The following BMPR2 variants were observed in gnomAD, a reference collection of about 807,000 sequenced individuals.
BMPR2 encodes the protein bone morphogenetic protein receptor type-2.
BMPR2 carries 29 observed loss-of-function variants against 100.8 expected under a neutral mutation model. That is an observed-to-expected ratio of 0.29 (90% CI 0.21 to 0.39). The LOEUF is 0.39. Ranked by LOEUF, BMPR2 falls within the 10% of genes least tolerant of loss-of-function variation. BMPR2 has a pLI of 1.00. For synonymous variants in BMPR2, 382 were observed against 442.3 expected (o/e 0.86, Z 1.71); for missense variants, 1,011 against 1,274.5 (o/e 0.79, Z 3.15).
chr2:202,420,645 C>T (rs1691242660), intron 1 of BMPR2, among the ~76,000 whole-genome samples: 1 of 137,788 alleles, frequency 7.3e-6, no homozygotes, highest in Non-Finnish European at 1.5e-5. Context: ...CTCCCGAGTT[C>T]AAGTGATTCT....
rs1688770472 is a variant in BMPR2, at chr2:202,566,779, T to C, written c.*6833T>C. On this transcript the variant is annotated 3_prime_UTR_variant, in exon 13 of 13. Transcript: ENST00000374580. ...GTATTTATCACATTGTCAAACAGAATTTTTCTTTGAATCAGACAAGTTCAA... is the reference window on the plus strand; with the variant it reads ...GTATTTATCACATTGTCAAACAGAACTTTTCTTTGAATCAGACAAGTTCAA... The C allele has an allele frequency of 6.6e-6, 1 of 152,182 alleles. No individual in the cohort carries two copies. Among genetic ancestry groups the C allele is most frequent in the African/African-American group, 2.4e-5 (1 of 41,452 alleles). 9.4% of individuals were successfully genotyped at this position (152,182 alleles called of 1,614,324 possible). A position where few individuals can be genotyped will look rare whatever the true frequency, so the allele number is the denominator to read the frequency against.
At chr2:202,500,804 G>A (rs1444586768) in intron 3 of BMPR2, among the ~76,000 whole-genome samples, 8 of 152,176 alleles carry the variant, frequency 5.3e-5, no homozygotes, top group Admixed American at 5.2e-4. Context: ...AATACCAGAG[G>A]AAGCAGAATG....
intron 10 of BMPR2, among the ~76,000 whole-genome samples, chr2:202,546,780 T>G (rs1311527430): frequency 8.5e-5 from 13 of 152,092 alleles, no homozygotes; most frequent in Admixed American, 8.5e-4. Context: ...GTTTTTGTGT[T>G]TTTCGTAGAG....
chr2:202,380,188 G>GT, intron 1 of BMPR2, among the ~76,000 whole-genome samples: 1 of 147,142 alleles, frequency 6.8e-6, no homozygotes, highest in South Asian at 2.2e-4. Flanking sequence ...CATTTTCTAT[G>GT]CCCCCCCCAA....
intron 1 of BMPR2, among the ~76,000 whole-genome samples, chr2:202,430,040 G>A (rs1691473791): frequency 6.6e-6 from 1 of 152,190 alleles, no homozygotes; most frequent in South Asian, 2.1e-4. Context: ...TTCTTCCAAT[G>A]TGGAGGCTAG....
At chr2:202,527,116 G>A (rs1193528855) in intron 7 of BMPR2, among the ~76,000 whole-genome samples, 6 of 151,850 alleles carry the variant, frequency 4.0e-5, no homozygotes, top group African/African-American at 1.2e-4. Flanking sequence ...CACCTGCCTC[G>A]ACCTCCAAAA....
At chr2:202,464,720 T>G (rs992934350) in intron 1 of BMPR2, 89 bp from the exon 2 acceptor site, 9 of 1,243,002 alleles carry the variant, frequency 7.2e-6, no homozygotes, top group Admixed American at 2.8e-5. Flanking sequence ...GTAGGGAAAT[T>G]TATGAAGTCA....
intron 10 of BMPR2, among the ~76,000 whole-genome samples, chr2:202,548,103 A>G (rs915524200): frequency 1.3e-5 from 2 of 151,986 alleles, no homozygotes; most frequent in Non-Finnish European, 2.9e-5. Flanking sequence ...AAAATGCGGC[A>G]ACTCTTCCTC....
intron 1 of BMPR2, among the ~76,000 whole-genome samples, chr2:202,422,610 A>T (rs1275635655): frequency 6.7e-6 from 1 of 148,688 alleles, no homozygotes; most frequent in Non-Finnish European, 1.5e-5. Flanking sequence ...CCGGCCATAA[A>T]GTTTTTTAAG....
chr2:202,379,838 T>TTTTCTTTCTTTCTTTCTTTCTTTC (rs3044179), intron 1 of BMPR2, among the ~76,000 whole-genome samples: 198 of 150,458 alleles, frequency 1.3e-3, no homozygotes, highest in African/African-American at 3.4e-3. Context: ...TCTTAGAACA[T>TTTTCTTTCTTTCTTTCTTTCTTTC]TTTCTTTCTT....
At chr2:202,543,481 T>A (rs1346256653) in intron 10 of BMPR2, among the ~76,000 whole-genome samples, 1 of 151,732 alleles carries the variant, frequency 6.6e-6, no homozygotes, top group Non-Finnish European at 1.5e-5. Flanking sequence ...TAGATGTATC[T>A]ATTTCTCTCC....
chr2:202,404,520 A>G (rs1419652049), intron 1 of BMPR2, among the ~76,000 whole-genome samples: 1 of 152,112 alleles, frequency 6.6e-6, no homozygotes, highest in African/African-American at 2.4e-5. Context: ...TGCTAGGTAT[A>G]TGGATTTGTA....
chr2:202,517,333 AT>A (rs1687729837), intron 5 of BMPR2, among the ~76,000 whole-genome samples: 1 of 143,950 alleles, frequency 6.9e-6, no homozygotes, highest in Non-Finnish European at 1.5e-5. Context: ...CAGTTATTTT[AT>A]CTTTTTTTTT....
intron 7 of BMPR2, among the ~76,000 whole-genome samples, chr2:202,524,825 G>C (rs1687878996): frequency 6.6e-6 from 1 of 151,828 alleles, no homozygotes; most frequent in South Asian, 2.1e-4. Context: ...CTGAGGTCAG[G>C]AGTACGAGAC....
chr2:202,397,806 G>A (rs1204530877), intron 1 of BMPR2, among the ~76,000 whole-genome samples: 1 of 150,252 alleles, frequency 6.7e-6, no homozygotes, highest in African/African-American at 2.4e-5. Flanking sequence ...GGCCAAAAAT[G>A]CTTCCTTATA....
chr2:202,513,872 A>C (rs1306535622), intron 4 of BMPR2, 43 bp downstream of exon 4: 2 of 1,402,566 alleles, frequency 1.4e-6, no homozygotes, highest in Non-Finnish European at 2.0e-6. Context: ...TTAAACATGC[A>C]ATTTAATCAA....
chr2:202,459,140 CT>C (rs1359385174), intron 1 of BMPR2, among the ~76,000 whole-genome samples: 1 of 152,154 alleles, frequency 6.6e-6, no homozygotes, highest in Non-Finnish European at 1.5e-5. Flanking sequence ...GTTTAACAAA[CT>C]TTTTGTCAGC....
chr2:202,380,163 G>T lies in BMPR2; in HGVS notation c.76+2613G>T, dbSNP rs1329856919. On this transcript the variant is annotated intron_variant, in intron 1 of 12. Coordinates refer to ENST00000374580, the MANE Select transcript of BMPR2 (RefSeq NM_001204.7). ...TTACAGGCATGAGCCACCACACCCCGCCTAATTCTTAGAACATTTTCTATG... is the reference window on the plus strand; with the variant it reads ...TTACAGGCATGAGCCACCACACCCCTCCTAATTCTTAGAACATTTTCTATG... Among the ~76,000 whole-genome samples the T allele has an allele frequency of 2.0e-5, 3 of 149,596 alleles. 1 individual carries two copies. Among genetic ancestry groups the T allele is most frequent in the South Asian group, 4.2e-4 (2 of 4,730 alleles).
rs369504081 is a variant in BMPR2 at position 202,488,467 on chromosome 2, C to T, written c.418+20778C>T. Among the ~76,000 whole-genome samples, 9 of 152,090 alleles carry T rather than the reference C, an allele frequency of 5.9e-5. No individual in the cohort carries two copies. The East Asian group carries it at 9.7e-4, about 16-fold the overall frequency. On this transcript the variant is annotated intron_variant, in intron 3 of 12. Transcript: ENST00000374580. Reference sequence around the variant, plus strand: ...GTCTTAACCTTTTTAAACAAAAAAACAAAAAAACAGAGTCAGGTTCTCACT... The same window carrying T: ...GTCTTAACCTTTTTAAACAAAAAAATAAAAAAACAGAGTCAGGTTCTCACT...
Sources: allele counts gnomAD v4.1 joint callset (sites outside exome capture counted in the v4.1 genomes callset), GRCh38; gene constraint gnomAD v4.1.1; transcripts MANE v1.5; gene names NCBI Gene and HGNC (gene_info 2026-07-23, HGNC 2026-07-21).